SIGLEC1: variants seen among roughly 807,000 people sequenced by gnomAD.
SIGLEC1 encodes the protein sialic acid binding Ig like lectin 1.
A neutral mutation model predicts 148.0 loss-of-function variants in SIGLEC1; 132 were observed. The ratio of observed to expected loss-of-function variants is 0.89; its 90% CI spans 0.77 to 1.03. The LOEUF (loss-of-function observed/expected upper bound fraction) is 1.03, where lower values mean the gene tolerates loss of function less well. SIGLEC1 is among the 50% of genes least tolerant of loss of function. The pLI is 0.00. For missense variants in SIGLEC1, 2,253 were observed against 2,271.4 expected, an observed-to-expected ratio of 0.99 and a Z score of 0.16; for synonymous variants, 945 against 969.0, an observed-to-expected ratio of 0.98 and a Z score of 0.46.
chr20:3,705,902 G>A lies in SIGLEC1; in HGVS notation c.548C>T (p.Ser183Phe). Residue 183 changes from serine to phenylalanine, a missense_variant, in exon 4 of 22, where the codon TCT (serine) becomes TTT (phenylalanine). Transcript: ENST00000344754. Reference sequence around the variant, plus strand: ...AAACTTCTGGCTGTTGAAGGTGACAGAGCGAGCAGGGTCCTGGCCTTGCCA... The same window carrying A: ...AAACTTCTGGCTGTTGAAGGTGACAAAGCGAGCAGGGTCCTGGCCTTGCCA... ...LQWQGQDPAR[S>F]VTFNSQKFEP... The A allele has an allele frequency of 2.5e-6, 4 of 1,614,194 alleles. No individual in the cohort carries two copies. The highest frequency in any genetic ancestry group is 1.1e-5 in the South Asian group (1 of 91,086).
intron 11 of SIGLEC1, among the ~76,000 whole-genome samples, chr20:3,695,576 A>G (rs970361959): frequency 6.6e-6 from 1 of 152,206 alleles, no homozygotes; most frequent in African/African-American, 2.4e-5. Context: ...AACACAGACC[A>G]TGCCTGAGAC....
In SIGLEC1 at chr20:3,696,961, C is replaced by A. The variant is rs1050974301; in HGVS notation, c.2381-73G>T. The stretch of plus-strand genomic sequence containing the variant: ...TACAACTGCCACACTATGTCCCCCA[C>A]CTCCTGCCACACACACAGCCTAAGC... On this transcript the variant is annotated intron_variant, in intron 10 of 21. Transcript: ENST00000344754. 3.3e-6 allele frequency: 5 copies of A among 1,529,982 alleles called. 1 individual carries two copies. The South Asian group carries it at 6.2e-5, about 19-fold the overall frequency. The allele number at this position is 1,529,982 out of a possible 1,614,324, so 94.8% of individuals were successfully genotyped here.
Position 3,701,381 on chromosome 20 carries a change from G to A in SIGLEC1, c.1489C>T (p.Leu497Phe), listed in dbSNP as rs764736415. ...TCCAGGGTGGAGGTTGCATTTCCAA[G>A]GGAGTTGGTGGCTGAGCACTTGTAC... ...GEYKCSATNS[L>F]GNATSTLDFH... Residue 497 changes from leucine to phenylalanine, a missense_variant, in exon 7 of 22, where the codon CTT becomes TTT. Transcript: ENST00000344754. 6 of 1,613,654 alleles carry A rather than the reference G, an allele frequency of 3.7e-6. No homozygotes were observed. The Admixed American group carries it at 1.0e-4, about 27-fold the overall frequency.
chr20:3,700,490 G>A (rs1568844463), intron 7 of SIGLEC1, among the ~76,000 whole-genome samples: 2 of 151,720 alleles, frequency 1.3e-5, no homozygotes, highest in Non-Finnish European at 2.9e-5. Flanking sequence ...AGGCTGAGAT[G>A]GGAGGATGGC....
rs1397566225 is a variant in SIGLEC1 at position 3,688,980 on chromosome 20, C to T, written c.5070+175G>A. The T allele has an allele frequency of 7.6e-6, 5 of 653,902 alleles. No homozygotes were observed. The East Asian group carries it at 7.9e-5, about 10-fold the overall frequency. The allele number at this position is 653,902 out of a possible 1,614,324, so 40.5% of individuals were successfully genotyped here. ...CCAGCTGACACAGGGATTCCCTCTG[C>T]CCCGAGCAGAACAGGGCTCTCCTAT... On this transcript the variant is annotated intron_variant, in intron 21 of 21. Transcript: ENST00000344754.
At chr20:3,696,448 T>TGCTG (rs11471725) in intron 11 of SIGLEC1, 138 bp downstream of exon 11, 397,949 of 622,622 alleles carry the variant, frequency 0.64, 131,111 homozygotes, top group East Asian at 0.81. Context: ...GGAGGCCTTC[T>TGCTG]GCTGGCTGGA....
At chr20:3,704,191 T>A (rs1274531394) in intron 4 of SIGLEC1, 100 bp from the exon 5 acceptor site, 12 of 1,149,564 alleles carry the variant, frequency 1.0e-5, no homozygotes, top group Non-Finnish European at 1.2e-5. Flanking sequence ...CCTAAGGAAG[T>A]ATGCCCAGAT....
rs1189972103 is a variant in SIGLEC1 at position 3,710,957 on chromosome 20, C to T, written c.-110+1513G>A. Among the ~76,000 whole-genome samples the T allele has an allele frequency of 6.6e-6, 1 of 152,236 alleles. No homozygotes were observed. The highest frequency in any genetic ancestry group is 1.5e-5 in the Non-Finnish European group (1 of 68,044). On this transcript the variant is annotated intron_variant, in intron 1 of 21. Transcript: ENST00000344754. This position sits in a 1 kb window ranked among gnomAD's most constrained non-coding sequence, Gnocchi z 4.6. Reference sequence around the variant, plus strand: ...CTGGAAACAGAAAGAGCAGGGACCGCTCAGAAAGGAGATCTCTGTCCCTGT... The same window carrying T: ...CTGGAAACAGAAAGAGCAGGGACCGTTCAGAAAGGAGATCTCTGTCCCTGT...
chr20:3,696,751 G>C lies in SIGLEC1; in HGVS notation c.2518C>G (p.Leu840Val), dbSNP rs1307332693. The change falls in exon 11 of 22, where the codon CTG (leucine) becomes GTG (valine). Residue 840 changes from leucine (L) to valine (V), a missense_variant. By Grantham distance (32) the Leu-to-Val change is conservative (BLOSUM62 1). Coordinates refer to ENST00000344754, the MANE Select transcript of SIGLEC1 (RefSeq NM_023068.4). The part of the protein sequence containing the change: ...FHGEHLLATS[L>V]GPQVPSHGRF... The stretch of plus-strand genomic sequence containing the variant: ...CCATGGGATGGGACCTGGGGACCCA[G>C]GCTGGTGGCCAGGAGGTGCTCCCCA... 6.2e-7 allele frequency: 1 copy of C among 1,613,522 alleles called. No homozygotes were observed. Among genetic ancestry groups the C allele is most frequent in the Non-Finnish European group, 8.5e-7 (1 of 1,180,018 alleles).
chr20:3,695,055 G>A (rs570977956), intron 11 of SIGLEC1, 132 bp from the exon 12 acceptor site: 15 of 907,716 alleles, frequency 1.7e-5, no homozygotes, highest in Admixed American at 2.8e-5. Flanking sequence ...CCAGACCACC[G>A]CCAGGGCCCA....
chr20:3,691,518 AG>A lies in SIGLEC1; in HGVS notation c.4412del (p.Pro1471LeufsTer68). On this transcript the variant is annotated frameshift_variant, in exon 18 of 22. Transcript: ENST00000344754. LOFTEE classifies it high-confidence loss of function. ...LNLSCRLLGG[P>X]GPVGNSTFAW... ...CAAAGGTGGAGTTGCCCACAGGCCC[AG>A]GGCCACCCAGGAGGCGGCAGCTGAG... The A allele has an allele frequency of 6.2e-7, 1 of 1,613,296 alleles. No homozygotes were observed. The highest frequency in any genetic ancestry group is 8.5e-7 in the Non-Finnish European group (1 of 1,180,010).
rs748890148 is a variant in SIGLEC1, at chr20:3,697,894, T to C, written c.2026A>G (p.Ile676Val). ...TKAPNLLRVE[I>V]HNPLLEEEGL... ...TCCTCTTCCAGCAAAGGGTTGTGAATCTCCACACGCAGCAAGTTGGGGGCT... is the reference window on the plus strand; with the variant it reads ...TCCTCTTCCAGCAAAGGGTTGTGAACCTCCACACGCAGCAAGTTGGGGGCT... The change falls in exon 9 of 22, where the codon ATT (isoleucine) becomes GTT (valine). Residue 676 changes from isoleucine (I) to valine (V), a missense_variant. Coordinates refer to ENST00000344754, the MANE Select transcript of SIGLEC1 (RefSeq NM_023068.4). 1.2e-6 allele frequency: 2 copies of C among 1,613,058 alleles called. No homozygotes were observed. Among genetic ancestry groups the C allele is most frequent in the Admixed American group, 1.7e-5 (1 of 60,006 alleles).
rs780905974 is a variant in SIGLEC1, at chr20:3,703,837, G to A, written c.961C>T (p.Leu321Phe). The A allele has an allele frequency of 1.9e-6, 3 of 1,613,918 alleles. No homozygotes were observed. Among genetic ancestry groups the A allele is most frequent in the South Asian group, 2.2e-5 (2 of 91,090 alleles). Residue 321 changes from leucine to phenylalanine, a missense_variant, in exon 5 of 22, where the codon CTC (leucine) becomes TTC (phenylalanine). By Grantham distance (22) the Leu-to-Phe change is conservative. Transcript: ENST00000344754. ...CCCAAGAACTCACTGAAGATGTGGAGGCTGATGGGGGGTGAGACCAAAGAG... is the reference window on the plus strand; with the variant it reads ...CCCAAGAACTCACTGAAGATGTGGAAGCTGATGGGGGGTGAGACCAAAGAG... ...VGSLVSPPIS[L>F]HIFMAEVQVS...
intron 6 of SIGLEC1, 60 bp downstream of exon 6, chr20:3,703,137 G>A (rs2087864639): frequency 6.2e-7 from 1 of 1,605,708 alleles, no homozygotes; most frequent in Non-Finnish European, 8.5e-7. Context: ...CCTTCCTTGG[G>A]GCTCCACCAT....
chr20:3,706,589 G>A lies in SIGLEC1; in HGVS notation c.167C>T (p.Thr56Met), dbSNP rs367731463. 1.8e-5 allele frequency: 29 copies of A among 1,611,530 alleles called. No homozygotes were observed. Among genetic ancestry groups the A allele is most frequent in the Non-Finnish European group, 2.2e-5 (26 of 1,179,236 alleles). ...PADVEVPDGITAIWYYDYSGQ... is the reference protein window; with the variant it reads ...PADVEVPDGIMAIWYYDYSGQ... ...CGAGTAGTCGTAGTACCAGATGGCCGTGATGCCGTCGGGCACCTCCACGTC... is the reference window on the plus strand; with the variant it reads ...CGAGTAGTCGTAGTACCAGATGGCCATGATGCCGTCGGGCACCTCCACGTC... Residue 56 changes from threonine to methionine, a missense_variant, in exon 3 of 22, where the codon ACG (threonine) becomes ATG (methionine). Coordinates refer to ENST00000344754, the MANE Select transcript of SIGLEC1 (RefSeq NM_023068.4).
chr20:3,698,112 AATGTTGGTTGTCG>A lies in SIGLEC1; in HGVS notation c.1795_1807del (p.Arg599SerfsTer61). On this transcript the variant is annotated frameshift_variant, in exon 9 of 22. Transcript: ENST00000344754. LOFTEE classifies it high-confidence loss of function. ...GGCATCAAGGTCCAGCCTGGTGGTG[AATGTTGGTTGTCG>A]AGGGGGGTCTGCAGGGAGGAAGAAC... 6.2e-7 allele frequency: 1 copy of A among 1,601,030 alleles called. No individual in the cohort carries two copies. The highest frequency in any genetic ancestry group is 2.2e-5 in the East Asian group (1 of 44,542).
At position 3,692,121 on chromosome 20, in the gene SIGLEC1, C is replaced by G; in HGVS notation, c.4112G>C (p.Ser1371Thr). ...TAGGGCCAGCTCAGCAGGTGGCTCACTGTCCACAGTGCACTGTATCACAGC... is the reference window on the plus strand; with the variant it reads ...TAGGGCCAGCTCAGCAGGTGGCTCAGTGTCCACAGTGCACTGTATCACAGC... ...SMAVIQCTVD[S>T]EPPAELALSH... The change falls in exon 17 of 22, where the codon AGT (serine) becomes ACT (threonine). Residue 1371 changes from serine to threonine, a missense_variant. By Grantham distance (58) the Ser-to-Thr change is moderately conservative. Coordinates refer to ENST00000344754, the MANE Select transcript of SIGLEC1 (RefSeq NM_023068.4). The G allele has an allele frequency of 6.2e-7, 1 of 1,606,374 alleles. No homozygotes were observed. Among genetic ancestry groups the G allele is most frequent in the Non-Finnish European group, 8.5e-7 (1 of 1,178,374 alleles).
intron 1 of SIGLEC1, among the ~76,000 whole-genome samples, 79 bp from the exon 2 acceptor site, chr20:3,707,316 T>C (rs1023941066): frequency 6.6e-6 from 1 of 152,066 alleles, no homozygotes; most frequent in Non-Finnish European, 1.5e-5. Context: ...GACCTCTGAG[T>C]CAGACACCAG....
intron 1 of SIGLEC1, among the ~76,000 whole-genome samples, 109 bp from the exon 2 acceptor site, chr20:3,707,346 G>A (rs572000348): frequency 1.3e-5 from 2 of 152,296 alleles, no homozygotes; most frequent in East Asian, 1.9e-4. Context: ...AGGAGGCCAC[G>A]TTCCCAGCTC....
Sources: gnomAD v4.1 joint callset for allele counts (sites outside exome capture counted in the v4.1 genomes callset) on GRCh38, gnomAD v4.1.1 for gene constraint, Gnocchi (gnomAD v3.1) non-coding constraint, MANE v1.5 for transcripts, NCBI Gene and HGNC (gene_info 2026-07-23, HGNC 2026-07-21) for gene names.